The following NID1 variants were observed in gnomAD, a reference collection of about 807,000 sequenced individuals.
NID1 encodes the protein nidogen 1.
In NID1, 76 loss-of-function variants were observed where a neutral mutation model predicts 130.6. The observed-to-expected ratio is 0.58, with a 90% CI of 0.48 to 0.70. The LOEUF is 0.70. Ranked by LOEUF, NID1 falls within the 30% of genes least tolerant of loss-of-function variation. The probability of loss-of-function intolerance (pLI) is 0.00; values close to 1 mark genes in which losing one functional copy is unlikely to be tolerated. For synonymous variants in NID1, 665 were observed against 675.1 expected (o/e 0.98, Z 0.23); for missense variants, 1,517 against 1,664.8 (o/e 0.91, Z 1.54).
chr1:235,979,920 G>A lies in NID1; in HGVS notation c.3411C>T (p.Asn1137=). The A allele has an allele frequency of 3.1e-6, 5 of 1,614,100 alleles. No individual in the cohort carries two copies. Among genetic ancestry groups the A allele is most frequent in the Non-Finnish European group, 4.2e-6 (5 of 1,179,984 alleles). Residue 1137 remains asparagine (N), a synonymous_variant, in exon 18 of 20, where the codon AAC becomes AAT. Transcript: ENST00000264187. The surrounding 1 kb of genome is among the most constrained non-coding windows in gnomAD (Gnocchi z 4.6). ...DAGTNRAECL[N]PSQPSRRKAL... ...CCTTGCGTCTGCTGGGCTGACTGGG[G>A]TTCAGGCATTCCGCCCGATTGGTGC... is the stretch of plus-strand genomic sequence containing the variant.
intron 1 of NID1, among the ~76,000 whole-genome samples, chr1:236,063,047 A>G (rs1391382336): frequency 2.0e-5 from 3 of 149,168 alleles, no homozygotes; most frequent in African/African-American, 7.5e-5. Context: ...CCACCTACTC[A>G]GGAGGCTGAG....
intron 14 of NID1, among the ~76,000 whole-genome samples, chr1:235,988,890 T>C (rs867851532): frequency 3.3e-5 from 5 of 152,154 alleles, no homozygotes; most frequent in Non-Finnish European, 7.4e-5. Flanking sequence ...TGGGGAGGTA[T>C]TGTTTAATAG....
chr1:236,063,167 A>AAAT lies in NID1; in HGVS notation c.225+1687_225+1688insATT, dbSNP rs1553351250. ...AGACTTCATCTCAAAAAAAAAAAAAAAAAAAAAAGTAAGCATATATTGGGC... is the reference window on the plus strand; with the variant it reads ...AGACTTCATCTCAAAAAAAAAAAAAAAATAAAAAAAAGTAAGCATATATTGGGC... On this transcript the variant is annotated intron_variant, in intron 1 of 19. Transcript: ENST00000264187. Among the ~76,000 whole-genome samples, 4 of 148,604 alleles carry AAAT rather than the reference A, an allele frequency of 2.7e-5. No homozygotes were observed. In the East Asian group the frequency reaches 8.0e-4, roughly 30 times the overall value.
chr1:235,993,054 C>G (rs1435053054), intron 13 of NID1, among the ~76,000 whole-genome samples: 2 of 151,978 alleles, frequency 1.3e-5, no homozygotes, highest in African/African-American at 4.9e-5. Context: ...CAGCTTCCCA[C>G]TGCCTCCGGT....
At chr1:236,044,789 T>C (rs1484953318) in intron 3 of NID1, among the ~76,000 whole-genome samples, 1 of 152,216 alleles carries the variant, frequency 6.6e-6, no homozygotes, top group East Asian at 1.9e-4. Context: ...ACCATTTCTG[T>C]TGTAAGAATA....
At chr1:235,981,588 C>T (rs764659479) in intron 16 of NID1, 23 bp downstream of exon 16, 1 of 1,599,056 alleles carries the variant, frequency 6.3e-7, no homozygotes, top group Admixed American at 1.7e-5. Context: ...AAGAGATGCA[C>T]ACACATATTT....
At chr1:236,055,650 A>G (rs895030172) in intron 1 of NID1, among the ~76,000 whole-genome samples, 1 of 151,516 alleles carries the variant, frequency 6.6e-6, no homozygotes, top group African/African-American at 2.4e-5. Context: ...GTGAGACTCC[A>G]TCTCAAAAAA....
chr1:236,008,797 G>T (rs1271404523), intron 12 of NID1, among the ~76,000 whole-genome samples: 2 of 151,868 alleles, frequency 1.3e-5, no homozygotes, highest in African/African-American at 2.4e-5. Flanking sequence ...CTCCCAAGTA[G>T]CTGGGATTAC....
chr1:236,020,048 A>AC (rs1558435382), intron 9 of NID1, among the ~76,000 whole-genome samples: 5 of 146,382 alleles, frequency 3.4e-5, no homozygotes, highest in South Asian at 2.2e-4. Flanking sequence ...AAAAAAAAAA[A>AC]AAAAAAAAAA....
chr1:236,028,371 A>G (rs1337938121), intron 7 of NID1, among the ~76,000 whole-genome samples: 1 of 152,156 alleles, frequency 6.6e-6, no homozygotes, highest in Non-Finnish European at 1.5e-5. Context: ...TTAGCCAGGC[A>G]TGGTAGTGTG....
intron 13 of NID1, among the ~76,000 whole-genome samples, chr1:235,992,361 C>T (rs373370573): frequency 3.3e-5 from 5 of 152,324 alleles, no homozygotes; most frequent in South Asian, 4.1e-4. Flanking sequence ...CACCTCCCCC[C>T]GCCAGGGACT....
chr1:235,983,872 C>A (rs1473728117), intron 15 of NID1, among the ~76,000 whole-genome samples: 1 of 152,050 alleles, frequency 6.6e-6, no homozygotes, highest in East Asian at 1.9e-4. Context: ...GGGATCCGGG[C>A]TGTTATGAAA....
intron 1 of NID1, among the ~76,000 whole-genome samples, chr1:236,053,808 C>A (rs1326985169): frequency 6.6e-6 from 1 of 152,184 alleles, no homozygotes; most frequent in Non-Finnish European, 1.5e-5. Flanking sequence ...AGGATAAGAC[C>A]TGTGCACCCA....
intron 9 of NID1, among the ~76,000 whole-genome samples, chr1:236,017,828 C>T (rs1658647002): frequency 6.6e-6 from 1 of 152,080 alleles, no homozygotes; most frequent in African/African-American, 2.4e-5. Context: ...AGCCTGGGGC[C>T]CCTGAACACG....
intron 7 of NID1, among the ~76,000 whole-genome samples, chr1:236,027,366 C>G (rs1658967701): frequency 6.6e-6 from 1 of 152,142 alleles, no homozygotes; most frequent in South Asian, 2.1e-4. Context: ...GCCTCCTGTC[C>G]AGCTCCCACA....
chr1:236,037,923 C>T (rs1369347684), intron 5 of NID1, among the ~76,000 whole-genome samples, 181 bp downstream of exon 5: 2 of 152,012 alleles, frequency 1.3e-5, no homozygotes, highest in African/African-American at 4.8e-5. Flanking sequence ...ATGGGCCTTC[C>T]TGGGGGATGC....
intron 1 of NID1, among the ~76,000 whole-genome samples, chr1:236,055,504 A>C (rs1022994359): frequency 6.6e-6 from 1 of 151,968 alleles, no homozygotes; most frequent in African/African-American, 2.4e-5. Flanking sequence ...AACATATAAC[A>C]GGTCTGGTGC....
At chr1:236,057,701 A>AGGAAAGAAAGAAAGAC (rs1054312887) in intron 1 of NID1, among the ~76,000 whole-genome samples, 1 of 152,122 alleles carries the variant, frequency 6.6e-6, no homozygotes, top group Non-Finnish European at 1.5e-5. Context: ...GAAAGAAAGA[A>AGGAAAGAAAGAAAGAC]GGAAAGAAAG....
At chr1:235,984,285 A>T (rs1478165575) in intron 15 of NID1, among the ~76,000 whole-genome samples, 2 of 152,232 alleles carry the variant, frequency 1.3e-5, no homozygotes, top group African/African-American at 4.8e-5. Context: ...ACTGGAAGAC[A>T]TGATTTAAAT....
Sources: allele counts gnomAD v4.1 joint callset (sites outside exome capture counted in the v4.1 genomes callset), GRCh38; gene constraint gnomAD v4.1.1; non-coding constraint Gnocchi (gnomAD v3.1); transcripts MANE v1.5; gene names NCBI Gene and HGNC (gene_info 2026-07-23, HGNC 2026-07-21).